PLCZ1: variants seen among roughly 807,000 people sequenced by gnomAD.
PLCZ1 encodes the protein 1-phosphatidylinositol 4,5-bisphosphate phosphodiesterase zeta-1.
A neutral mutation model predicts 76.8 loss-of-function variants in PLCZ1; 64 were observed. That is an observed-to-expected ratio of 0.83 (90% CI 0.68 to 1.03). The LOEUF (loss-of-function observed/expected upper bound fraction) is 1.03, where lower values mean the gene tolerates loss of function less well. Ranked by LOEUF, PLCZ1 falls within the 50% of genes least tolerant of loss-of-function variation. The pLI, the probability that PLCZ1 is intolerant of heterozygous loss-of-function variation, is 0.00. For synonymous variants in PLCZ1, 248 were observed against 230.8 expected, an observed-to-expected ratio of 1.07 and a Z score of -0.68; for missense variants, 751 against 713.7, an observed-to-expected ratio of 1.05 and a Z score of -0.60.
chr12:18,685,475 T>C (rs1952968795), intron 13 of PLCZ1: 1 of 216,762 alleles, frequency 4.6e-6, no homozygotes, highest in Admixed American at 4.5e-5. Flanking sequence ...CAATAGTTTT[T>C]GTTCTTTGAC....
At chr12:18,647,450 A>C in the PLCZ1 span, among the ~76,000 whole-genome samples, 1 of 146,592 alleles carries the variant, frequency 6.8e-6, no homozygotes, top group African/African-American at 2.5e-5. Flanking sequence ...TGAATCTAAA[A>C]TTGAAAAAAA....
chr12:18,651,471 T>C, the PLCZ1 span, among the ~76,000 whole-genome samples: 1 of 152,330 alleles, frequency 6.6e-6, no homozygotes, highest in Non-Finnish European at 1.5e-5. Context: ...TTTGTCTCCC[T>C]TCACTAGGCA....
the PLCZ1 span, among the ~76,000 whole-genome samples, chr12:18,675,562 C>G: frequency 6.6e-6 from 1 of 152,114 alleles, no homozygotes; most frequent in Non-Finnish European, 1.5e-5. Context: ...AAAAACATAC[C>G]TGCACCTGTA....
intron 12 of PLCZ1, chr12:18,694,067 CAG>C: frequency 7.8e-7 from 1 of 1,286,246 alleles, no homozygotes; most frequent in South Asian, 1.2e-5. Context: ...TTATAAGAAA[CAG>C]GAAGACACCC....
the PLCZ1 span, among the ~76,000 whole-genome samples, chr12:18,673,108 A>G: frequency 0.015 from 2,219 of 152,312 alleles, 58 homozygotes; most frequent in African/African-American, 0.052. Context: ...TCTAAAAATT[A>G]GTTCCAAAAG....
At chr12:18,734,557 GC>G (rs1190644165) in intron 3 of PLCZ1, among the ~76,000 whole-genome samples, 4 of 152,046 alleles carry the variant, frequency 2.6e-5, no homozygotes, top group Non-Finnish European at 5.9e-5. Flanking sequence ...CAACACATTG[GC>G]CAGGCTGGCC....
At position 18,723,500 on chromosome 12, in the gene PLCZ1, ATTC is replaced by A; in HGVS notation, c.175_177del (p.Glu59del). 6.2e-7 allele frequency: 1 copy of A among 1,612,820 alleles called. No homozygotes were observed. The highest frequency in any genetic ancestry group is 1.7e-5 in the Admixed American group (1 of 59,884). ...GTGATAATTCGATAAATTGCTCTAA[ATTC>A]TTCTATGGTGATTCTTCCTTGTTTC... On this transcript the variant is annotated inframe_deletion, in exon 4 of 15. Coordinates refer to ENST00000266505, the MANE Select transcript of PLCZ1 (RefSeq NM_033123.4).
chr12:18,703,495 T>G (rs569465315), intron 7 of PLCZ1, among the ~76,000 whole-genome samples: 2 of 152,310 alleles, frequency 1.3e-5, no homozygotes, highest in East Asian at 3.9e-4. Flanking sequence ...TTTCTGACCT[T>G]TGTGTTGAGA....
chr12:18,660,261 G>A, the PLCZ1 span, among the ~76,000 whole-genome samples: 2 of 152,062 alleles, frequency 1.3e-5, no homozygotes, highest in Non-Finnish European at 2.9e-5. Flanking sequence ...ACAGCTTGCC[G>A]AAACCAGCAG....
At position 18,737,526 on chromosome 12, in the gene PLCZ1, G is replaced by T; in HGVS notation, c.-138-17C>A. The T allele has an allele frequency of 1.0e-6, 1 of 1,000,816 alleles. No homozygotes were observed. The highest frequency in any genetic ancestry group is 1.5e-6 in the Non-Finnish European group (1 of 676,844). The allele number at this position is 1,000,816 out of a possible 1,614,324, so 62.0% of individuals were successfully genotyped here. Reference sequence around the variant, plus strand: ...ACCACTTTTCTAGGGAGAAAGCAGAGAACACACAGTGGTTTTTTTTGCCTT... The same window carrying T: ...ACCACTTTTCTAGGGAGAAAGCAGATAACACACAGTGGTTTTTTTTGCCTT... On this transcript the variant is annotated splice_polypyrimidine_tract_variant and intron_variant, in intron 1 of 14. Transcript: ENST00000266505.
chr12:18,721,500 A>T (rs1164539311), intron 4 of PLCZ1, among the ~76,000 whole-genome samples: 3 of 152,038 alleles, frequency 2.0e-5, no homozygotes, highest in Non-Finnish European at 4.4e-5. Flanking sequence ...CACAATTCCA[A>T]AGTGTCACTG....
chr12:18,672,698 C>T, the PLCZ1 span, among the ~76,000 whole-genome samples: 3 of 152,102 alleles, frequency 2.0e-5, no homozygotes, highest in Admixed American at 6.6e-5. Context: ...GGAACATGAC[C>T]ATCCCAAGGT....
intron 10 of PLCZ1, among the ~76,000 whole-genome samples, chr12:18,698,242 C>CTTCTATTCTATTCTA (rs10659264): frequency 0.1 from 15,068 of 145,410 alleles, 978 homozygotes; most frequent in African/African-American, 0.15. Context: ...ATACACTTTT[C>CTTCTATTCTATTCTA]TTCTATTCTA....
At chr12:18,647,454 A>G in the PLCZ1 span, among the ~76,000 whole-genome samples, 33 of 103,564 alleles carry the variant, frequency 3.2e-4, no homozygotes, top group East Asian at 0.017. Flanking sequence ...TCTAAAATTG[A>G]AAAAAAAAAA....
the PLCZ1 span, chr12:18,647,884 T>C: frequency 1.5e-5 from 23 of 1,547,930 alleles, no homozygotes; most frequent in South Asian, 6.2e-5. Context: ...AGGTAGTATA[T>C]GATGAAGTCA....
At chr12:18,702,212 G>A (rs191819132) in intron 7 of PLCZ1, among the ~76,000 whole-genome samples, 2 of 151,964 alleles carry the variant, frequency 1.3e-5, no homozygotes, top group Admixed American at 1.3e-4. Context: ...TCTATCATAA[G>A]TGTCTGGCAT....
Position 18,719,391 on chromosome 12 carries a change from G to A in PLCZ1, c.569+40C>T, listed in dbSNP as rs10841078. 3.3e-6 allele frequency: 4 copies of A among 1,214,224 alleles called. No individual in the cohort carries two copies. The African/African-American group carries it at 6.4e-5, about 19-fold the overall frequency. The allele number at this position is 1,214,224 out of a possible 1,614,324, so 75.2% of individuals were successfully genotyped here. ...GGTAGACACTGCCAGGAACTTCCAA[G>A]TATTTTTAAATGTAATAGATTTAAA... On this transcript the variant is annotated intron_variant, in intron 5 of 14. Transcript: ENST00000266505.
the PLCZ1 span, among the ~76,000 whole-genome samples, chr12:18,671,529 C>T: frequency 6.6e-6 from 1 of 152,070 alleles, no homozygotes; most frequent in Admixed American, 6.6e-5. Flanking sequence ...GGAGGCACCA[C>T]CCATGTGTGG....
the PLCZ1 span, among the ~76,000 whole-genome samples, chr12:18,651,439 G>A: frequency 6.6e-6 from 1 of 152,114 alleles, no homozygotes; most frequent in Non-Finnish European, 1.5e-5. Context: ...ATTTACTTAT[G>A]TATTTTGCTT....
Sources: gnomAD v4.1 joint callset for allele counts (sites outside exome capture counted in the v4.1 genomes callset) on GRCh38, gnomAD v4.1.1 for gene constraint, MANE v1.5 for transcripts, NCBI Gene and HGNC (gene_info 2026-07-23, HGNC 2026-07-21) for gene names.